Variants in DYNC1H1 observed in about 807,000 individuals in gnomAD.
DYNC1H1 encodes the protein dynein cytoplasmic 1 heavy chain 1, also known as cytoplasmic dynein 1 heavy chain 1.
A neutral mutation model predicts 527.1 loss-of-function variants in DYNC1H1; 51 were observed. The ratio of observed to expected loss-of-function variants is 0.10; its 90% CI spans 0.08 to 0.12. The LOEUF is 0.12. DYNC1H1 is among the 10% of genes least tolerant of loss of function. DYNC1H1 has a pLI of 1.00. For missense variants in DYNC1H1, 2,771 were observed against 5,971.8 expected (o/e 0.46, Z 17.66); for synonymous variants, 2,189 against 2,278.8 (o/e 0.96, Z 1.12).
chr14:102,010,597 C>T lies in DYNC1H1; in HGVS notation c.6405+138C>T, dbSNP rs2048247101. The T allele has an allele frequency of 6.7e-7, 1 of 1,494,972 alleles. No homozygotes were observed. The highest frequency in any genetic ancestry group is 1.2e-5 in the South Asian group (1 of 83,908). The allele number at this position is 1,494,972 out of a possible 1,614,324, so 92.6% of individuals were successfully genotyped here. A position where few individuals can be genotyped will look rare whatever the true frequency, so the allele number is the denominator to read the frequency against. On this transcript the variant is annotated intron_variant, in intron 31 of 77. Coordinates refer to ENST00000360184, the MANE Select transcript of DYNC1H1 (RefSeq NM_001376.5). The surrounding 1 kb of genome is among the most constrained non-coding windows in gnomAD (Gnocchi z 6.0). The stretch of plus-strand genomic sequence containing the variant: ...GCTGAAATAGACTGTAATGTTGACC[C>T]AGTGAGTCGAGTGCACGAATGTGGG...
chr14:101,975,941 C>T, intron 2 of DYNC1H1, 142 bp downstream of exon 2: 1 of 678,912 alleles, frequency 1.5e-6, no homozygotes. Context: ...GAGTTTCGCT[C>T]TTGTTGCCCA....
intron 28 of DYNC1H1, 140 bp downstream of exon 28, chr14:102,007,248 G>C (rs1352368315): frequency 2.5e-6 from 2 of 790,014 alleles, no homozygotes; most frequent in Non-Finnish European, 4.3e-6. Flanking sequence ...CCTGTAGTAG[G>C]GATAGGTGTT....
chr14:102,039,581 G>A lies in DYNC1H1; in HGVS notation c.11595+35G>A, dbSNP rs1229192377. 1.2e-5 allele frequency: 19 copies of A among 1,614,220 alleles called. No homozygotes were observed. The highest frequency in any genetic ancestry group is 1.4e-5 in the Non-Finnish European group (17 of 1,180,040). ...GGTCCTCAGCCGCTCCCTGGCGGGG[G>A]GGAAGCAGGGTGCTGCTTCTCTTAT... On this transcript the variant is annotated intron_variant, in intron 61 of 77. Transcript: ENST00000360184. The surrounding 1 kb of genome is among the most constrained non-coding windows in gnomAD (Gnocchi z 7.0).
rs1311525008 is a variant in DYNC1H1 at position 102,011,287 on chromosome 14, A to G, written c.6618+335A>G. On this transcript the variant is annotated intron_variant, in intron 32 of 77. Transcript: ENST00000360184. The surrounding 1 kb of genome is among the most constrained non-coding windows in gnomAD (Gnocchi z 5.3). ...GATGAACAACCTGAATCGCTGATCAATACGTAGTTTACATTCTGTATTGGC... is the reference window on the plus strand; with the variant it reads ...GATGAACAACCTGAATCGCTGATCAGTACGTAGTTTACATTCTGTATTGGC... 1 of 395,688 alleles carries G rather than the reference A, an allele frequency of 2.5e-6. No homozygotes were observed. Among genetic ancestry groups the G allele is most frequent in the African/African-American group, 2.1e-5 (1 of 48,536 alleles). The allele number at this position is 395,688 out of a possible 1,614,324, so 24.5% of individuals were successfully genotyped here. A position where few individuals can be genotyped will look rare whatever the true frequency, so the allele number is the denominator to read the frequency against.
chr14:101,992,489 T>G (rs1334853799), intron 11 of DYNC1H1, among the ~76,000 whole-genome samples: 2 of 152,226 alleles, frequency 1.3e-5, no homozygotes, highest in African/African-American at 4.8e-5. Flanking sequence ...TGTTTCTATT[T>G]GCATTGTTCT....
chr14:102,032,556 C>T (rs1383219386), intron 52 of DYNC1H1, 89 bp downstream of exon 52: 6 of 1,544,410 alleles, frequency 3.9e-6, no homozygotes, highest in Non-Finnish European at 5.3e-6. Context: ...AATCCCAGAA[C>T]TTTCGGCTGT....
Position 102,001,403 on chromosome 14 carries a change from A to T in DYNC1H1, c.4395+49A>T. 5.0e-6 allele frequency: 8 copies of T among 1,613,486 alleles called. No individual in the cohort carries two copies. The highest frequency in any genetic ancestry group is 6.8e-6 in the Non-Finnish European group (8 of 1,179,492). On this transcript the variant is annotated intron_variant, in intron 20 of 77. Transcript: ENST00000360184. The surrounding 1 kb of genome is among the most constrained non-coding windows in gnomAD (Gnocchi z 5.0). Reference sequence around the variant, plus strand: ...GCTTTACGTTGTGTTTCGGGCTGTTACATAGATCTGAGCTATGTAAAAATG... The same window carrying T: ...GCTTTACGTTGTGTTTCGGGCTGTTTCATAGATCTGAGCTATGTAAAAATG...
chr14:101,995,788 C>T (rs1161764237), intron 15 of DYNC1H1, among the ~76,000 whole-genome samples: 4 of 151,216 alleles, frequency 2.6e-5, no homozygotes, highest in African/African-American at 4.9e-5. Flanking sequence ...AGGCCAGGCA[C>T]GGTGGCTCAT....
chr14:101,993,622 G>T (rs970247488), intron 11 of DYNC1H1, among the ~76,000 whole-genome samples: 2 of 152,062 alleles, frequency 1.3e-5, no homozygotes, highest in East Asian at 3.8e-4. Context: ...ATCCTTGATG[G>T]CAAATAATCA....
chr14:102,048,768 G>A, intron 74 of DYNC1H1, 99 bp downstream of exon 74: 1 of 1,450,580 alleles, frequency 6.9e-7, no homozygotes, highest in Non-Finnish European at 9.3e-7. Context: ...CAGACAGCCA[G>A]GCCTGCAGGA....
intron 2 of DYNC1H1, among the ~76,000 whole-genome samples, chr14:101,978,997 T>G (rs1342720440): frequency 1.3e-5 from 2 of 152,256 alleles, no homozygotes; most frequent in East Asian, 1.9e-4. Flanking sequence ...AACTTTTGTT[T>G]ACTTAGTACA....
At position 102,044,147 on chromosome 14, in the gene DYNC1H1, G is replaced by A. The variant is rs2048686265; in HGVS notation, c.12684+102G>A. On this transcript the variant is annotated intron_variant, in intron 70 of 77. Coordinates refer to ENST00000360184, the MANE Select transcript of DYNC1H1 (RefSeq NM_001376.5). This position sits in a 1 kb window ranked among gnomAD's most constrained non-coding sequence, Gnocchi z 7.1. The stretch of plus-strand genomic sequence containing the variant: ...CAGACTCTGCGTGGAAGAGCGAGCT[G>A]ACCCCTCGTGACCGCCAAAGCCTAG... 1.9e-6 allele frequency: 3 copies of A among 1,580,796 alleles called. No homozygotes were observed. Among genetic ancestry groups the A allele is most frequent in the Admixed American group, 1.8e-5 (1 of 56,184 alleles).
In DYNC1H1 at chr14:102,049,381, A is replaced by G; in HGVS notation, c.13373-59A>G. The G allele has an allele frequency of 1.9e-6, 3 of 1,610,976 alleles. No individual in the cohort carries two copies. Among genetic ancestry groups the G allele is most frequent in the Non-Finnish European group, 2.5e-6 (3 of 1,179,832 alleles). ...TGCCTAGCACTTGCACATTTGTTCC[A>G]TCTGTGCTGGGGGAGTTGTGAGAGC... On this transcript the variant is annotated intron_variant, in intron 74 of 77. Coordinates refer to ENST00000360184, the MANE Select transcript of DYNC1H1 (RefSeq NM_001376.5). The surrounding 1 kb of genome is among the most constrained non-coding windows in gnomAD (Gnocchi z 5.5).
Position 101,983,648 on chromosome 14 carries a change from T to TTTTTG in DYNC1H1, c.1461+49_1461+53dup, listed in dbSNP as rs769372547. 3 of 1,594,270 alleles carry TTTTTG rather than the reference T, an allele frequency of 1.9e-6. No homozygotes were observed. The highest frequency in any genetic ancestry group is 2.6e-6 in the Non-Finnish European group (3 of 1,168,642). On this transcript the variant is annotated intron_variant, in intron 7 of 77. Coordinates refer to ENST00000360184, the MANE Select transcript of DYNC1H1 (RefSeq NM_001376.5). This position sits in a 1 kb window ranked among gnomAD's most constrained non-coding sequence, Gnocchi z 5.3. ...TCTAAAAGTTTGTGTTTTGTTTTTG[T>TTTTTG]TTTTGTTTTGTTTTTTGTTTGGTGT...
chr14:102,046,946 C>T (rs1020135839), intron 72 of DYNC1H1, among the ~76,000 whole-genome samples: 4 of 143,440 alleles, frequency 2.8e-5, no homozygotes, highest in African/African-American at 4.9e-5. Flanking sequence ...CCACAGGTGC[C>T]ACCACCACAC....
rs758867536 is a variant in DYNC1H1, at chr14:102,001,530, T to C, written c.4396-5T>C. ...ATAACATGCATCTTTCTGGTTTGAA[T>C]TCAGATAAGAGAAGTGTGGAATACT... On this transcript the variant is annotated splice_polypyrimidine_tract_variant and splice_region_variant and intron_variant, in intron 20 of 77. Transcript: ENST00000360184. The surrounding 1 kb of genome is among the most constrained non-coding windows in gnomAD (Gnocchi z 5.0). 6.2e-7 allele frequency: 1 copy of C among 1,614,182 alleles called. No individual in the cohort carries two copies. Among genetic ancestry groups the C allele is most frequent in the Admixed American group, 1.7e-5 (1 of 60,012 alleles).
chr14:101,991,488 A>T, intron 10 of DYNC1H1, 39 bp from the exon 11 acceptor site: 1 of 1,613,680 alleles, frequency 6.2e-7, no homozygotes, highest in South Asian at 1.1e-5. Context: ...TTTATTGAAA[A>T]ATAGATTGCT....
At position 102,038,489 on chromosome 14, in the gene DYNC1H1, C is replaced by T; in HGVS notation, c.10938C>T (p.Asn3646=). Reference sequence around the variant, plus strand: ...TGGAAAGCTACGATCCAGTTTTGAACCCGGTGCTGAACCGTGAAGTGCGGC... The same window carrying T: ...TGGAAAGCTACGATCCAGTTTTGAATCCGGTGCTGAACCGTGAAGTGCGGC... ...QDVESYDPVL[N]PVLNREVRRT... Residue 3646 remains asparagine, a synonymous_variant, in exon 58 of 78, where the codon AAC becomes AAT. Coordinates refer to ENST00000360184, the MANE Select transcript of DYNC1H1 (RefSeq NM_001376.5). This position sits in a 1 kb window ranked among gnomAD's most constrained non-coding sequence, Gnocchi z 7.2. 2 of 1,614,106 alleles carry T rather than the reference C, an allele frequency of 1.2e-6. No individual in the cohort carries two copies. Among genetic ancestry groups the T allele is most frequent in the East Asian group, 2.2e-5 (1 of 44,882 alleles).
rs1325046587 is a variant in DYNC1H1 at position 102,016,813 on chromosome 14, G to T, written c.7662G>T (p.Gln2554His). ...EWSPWQAKVP[Q>H]IEVETHKVAA... is the part of the protein sequence containing the mutation. The stretch of plus-strand genomic sequence containing the variant: ...CTCCGTGGCAGGCCAAGGTGCCTCA[G>T]ATTGAAGTGGAGACGCACAAGGTGG... The change falls in exon 38 of 78, where the codon CAG becomes CAT. Residue 2554 changes from glutamine (Q) to histidine (H), a missense_variant. Around this residue, in one of 32 missense-constraint regions of DYNC1H1, gnomAD observed 71 missense variants for 143.6 expected, o/e 0.49. Coordinates refer to ENST00000360184, the MANE Select transcript of DYNC1H1 (RefSeq NM_001376.5). The surrounding 1 kb of genome is among the most constrained non-coding windows in gnomAD (Gnocchi z 7.3). 6.2e-7 allele frequency: 1 copy of T among 1,613,984 alleles called. No homozygotes were observed. Among genetic ancestry groups the T allele is most frequent in the Non-Finnish European group, 8.5e-7 (1 of 1,180,028 alleles).
Sources: allele counts gnomAD v4.1 joint callset (sites outside exome capture counted in the v4.1 genomes callset), GRCh38; gene constraint gnomAD v4.1.1; regional missense constraint gnomAD v4.1.1; non-coding constraint Gnocchi (gnomAD v3.1); transcripts MANE v1.5; gene names NCBI Gene and HGNC (gene_info 2026-07-23, HGNC 2026-07-21).